Variants in NLRP8 observed in about 807,000 individuals in gnomAD.
NLRP8 encodes NACHT, LRR and PYD domains-containing protein 8.
A neutral mutation model predicts 88.7 loss-of-function variants in NLRP8; 86 were observed. That is an observed-to-expected ratio of 0.97 (90% confidence interval 0.81 to 1.16). The LOEUF (loss-of-function observed/expected upper bound fraction) is 1.16. Ranked by LOEUF, NLRP8 falls within the 50% of genes most tolerant of loss-of-function variation. The probability of loss-of-function intolerance (pLI) is 0.00; values close to 1 mark genes in which losing one functional copy is unlikely to be tolerated. For synonymous variants in NLRP8, 504 were observed against 494.6 expected, an observed-to-expected ratio of 1.02 and a Z score of -0.25; for missense variants, 1,342 against 1,286.5, an observed-to-expected ratio of 1.04 and a Z score of -0.66.
chr19:55,966,261 T>A lies in NLRP8; in HGVS notation c.2262T>A (p.Val754=). The change falls in exon 5 of 10, where the codon GTT becomes GTA. Residue 754 remains valine, a synonymous_variant. Transcript: ENST00000291971. ...TGTTGAACCAGGACTTAATCGGTGT[T>A]TTGACGGGGAACCAGCATCTGAGAT... is the stretch of plus-strand genomic sequence containing the variant. The A allele has an allele frequency of 6.2e-7, 1 of 1,614,104 alleles. No individual in the cohort carries two copies. Among genetic ancestry groups the A allele is most frequent in the South Asian group, 1.1e-5 (1 of 91,074 alleles).
chr19:55,983,908 CTTATT>C (rs1980686135), intron 9 of NLRP8, among the ~76,000 whole-genome samples: 1 of 149,942 alleles, frequency 6.7e-6, no homozygotes, highest in Non-Finnish European at 1.5e-5. Flanking sequence ...CCGATGGTGA[CTTATT>C]TAATTTGAGG....
rs1282939282 is a variant in NLRP8 at position 55,955,471 on chromosome 19, A to C, written c.1413A>C (p.Lys471Asn). 1 of 1,614,208 alleles carries C rather than the reference A, an allele frequency of 6.2e-7. No homozygotes were observed. The highest frequency in any genetic ancestry group is 1.1e-5 in the South Asian group (1 of 91,088). Residue 471 changes from lysine to asparagine, a missense_variant, in exon 3 of 10, where the codon AAA becomes AAC. By Grantham distance (94) the Lys-to-Asn change is moderately conservative (BLOSUM62 0). Coordinates refer to ENST00000291971, the MANE Select transcript of NLRP8 (RefSeq NM_176811.2). ...GGCACAGGAAATGGGTGTTAGGTAAAGAAGATCTTGAGGAAGCCAAGCTGG... is the reference window on the plus strand; with the variant it reads ...GGCACAGGAAATGGGTGTTAGGTAACGAAGATCTTGAGGAAGCCAAGCTGG...
chr19:55,961,560 G>C (rs111720523), intron 3 of NLRP8, among the ~76,000 whole-genome samples: 1,550 of 152,248 alleles, frequency 0.01, 26 homozygotes, highest in African/African-American at 0.035. Context: ...CTAGCACTTT[G>C]GGAGGCCAAG....
At chr19:55,952,883 C>T (rs1011410470) in intron 2 of NLRP8, among the ~76,000 whole-genome samples, 13 of 151,932 alleles carry the variant, frequency 8.6e-5, no homozygotes, top group Non-Finnish European at 1.6e-4. Flanking sequence ...GGTGAGATCA[C>T]GCCACTGCAC....
In NLRP8 at chr19:55,949,393, A is replaced by G. The variant is rs565769452; in HGVS notation, c.367+1124A>G. 3.6e-4 allele frequency among the ~76,000 whole-genome samples: 55 copies of G among 152,084 alleles called. 1 individual carries two copies. Among genetic ancestry groups the G allele is most frequent in the African/African-American group, 1.3e-3 (53 of 41,488 alleles). Reference sequence around the variant, plus strand: ...GCTGGGATTACAGGTGCGCACCACCACACCCAGCTAATTTTTGTATTTTTA... The same window carrying G: ...GCTGGGATTACAGGTGCGCACCACCGCACCCAGCTAATTTTTGTATTTTTA... On this transcript the variant is annotated intron_variant, in intron 1 of 9. Transcript: ENST00000291971.
intron 5 of NLRP8, among the ~76,000 whole-genome samples, chr19:55,969,230 T>G (rs1979971569): frequency 6.6e-6 from 1 of 152,204 alleles, no homozygotes. Context: ...CTGTACCCCA[T>G]GTGTAGTCTT....
intron 3 of NLRP8, among the ~76,000 whole-genome samples, chr19:55,959,819 T>G (rs1229353011): frequency 6.6e-6 from 1 of 152,204 alleles, no homozygotes; most frequent in Non-Finnish European, 1.5e-5. Context: ...TGTTCATTCC[T>G]CTGAAGACGT....
chr19:55,977,593 C>G (rs564527201), intron 8 of NLRP8, among the ~76,000 whole-genome samples: 1 of 144,148 alleles, frequency 6.9e-6, no homozygotes, highest in Non-Finnish European at 1.5e-5. Flanking sequence ...GTATATATTT[C>G]CCTGTTTTTT....
chr19:55,957,763 C>T (rs1979444611), intron 3 of NLRP8, among the ~76,000 whole-genome samples: 1 of 145,900 alleles, frequency 6.9e-6, no homozygotes, highest in Non-Finnish European at 1.5e-5. Flanking sequence ...CTACAACACA[C>T]TGAATAAGTC....
chr19:55,962,347 G>A (rs1979652371), intron 4 of NLRP8, 110 bp downstream of exon 4: 2 of 1,195,984 alleles, frequency 1.7e-6, no homozygotes, highest in Non-Finnish European at 1.2e-6. Flanking sequence ...AAGCACCCAT[G>A]TCCAGCCTTG....
intron 2 of NLRP8, among the ~76,000 whole-genome samples, chr19:55,954,113 T>A (rs1979220942): frequency 6.6e-6 from 1 of 152,034 alleles, no homozygotes; most frequent in Non-Finnish European, 1.5e-5. Flanking sequence ...CTCCCAAGTA[T>A]TTCTGATTTG....
chr19:55,980,169 C>G (rs1168858172), intron 9 of NLRP8, among the ~76,000 whole-genome samples: 2 of 152,152 alleles, frequency 1.3e-5, no homozygotes, highest in African/African-American at 4.8e-5. Context: ...CACTTACCAG[C>G]TATATAGCCA....
intron 1 of NLRP8, among the ~76,000 whole-genome samples, chr19:55,950,512 A>G (rs1311953315): frequency 2.0e-5 from 3 of 152,132 alleles, no homozygotes; most frequent in Admixed American, 1.3e-4. Context: ...GTGCCTACTC[A>G]TTAAAATGTA....
chr19:55,956,036 C>T lies in NLRP8; in HGVS notation c.1978C>T (p.Leu660=). ...GTGTCAATATTTGCATGAGGTGGAA[C>T]TGACCGTCACCCTGAACTTCATGAA... The change falls in exon 3 of 10, where the codon CTG becomes TTG. Residue 660 remains leucine (L), a synonymous_variant. Transcript: ENST00000291971. The T allele has an allele frequency of 6.2e-7, 1 of 1,614,168 alleles. No individual in the cohort carries two copies. The highest frequency in any genetic ancestry group is 8.5e-7 in the Non-Finnish European group (1 of 1,180,026).
In NLRP8 at chr19:55,970,697, G is replaced by T; in HGVS notation, c.2534+1G>T. On this transcript the variant is annotated splice_donor_variant, in intron 6 of 9. Coordinates refer to ENST00000291971, the MANE Select transcript of NLRP8 (RefSeq NM_176811.2). LOFTEE classifies it high-confidence loss of function. ...CTGTGGCCCAGCTGGAGAGGCTGTC[G>T]TAAGTCTCCTTTCTAGTGGCTGTGG... is the stretch of plus-strand genomic sequence containing the variant. The T allele has an allele frequency of 2.5e-6, 4 of 1,613,956 alleles. No individual in the cohort carries two copies. Among genetic ancestry groups the T allele is most frequent in the South Asian group, 1.1e-5 (1 of 91,050 alleles).
At chr19:55,951,816 C>G (rs950673305) in intron 1 of NLRP8, among the ~76,000 whole-genome samples, 2 of 152,194 alleles carry the variant, frequency 1.3e-5, no homozygotes, top group African/African-American at 4.8e-5. Context: ...GTGGTATGAT[C>G]ATGGCTCCCT....
In NLRP8 at chr19:55,954,557, A is replaced by G; in HGVS notation, c.499A>G (p.Ile167Val). Residue 167 changes from isoleucine (I) to valine (V), a missense_variant, in exon 3 of 10, where the codon ATT becomes GTT. Transcript: ENST00000291971. ...GGAAAAGTTTTTCCCCATATGGGAC[A>G]TTACGACTTGGCCTGGAAACCAGAG... The G allele has an allele frequency of 1.9e-6, 3 of 1,614,194 alleles. No individual in the cohort carries two copies. The highest frequency in any genetic ancestry group is 1.3e-5 in the African/African-American group (1 of 75,048).
Position 55,966,219 on chromosome 19 carries a change from G to C in NLRP8, c.2220G>C (p.Arg740Ser), listed in dbSNP as rs1477211865. 1 of 1,614,006 alleles carries C rather than the reference G, an allele frequency of 6.2e-7. No individual in the cohort carries two copies. The highest frequency in any genetic ancestry group is 1.1e-5 in the South Asian group (1 of 91,072). ...GACGCTCTTCCCTCTCCAGCCTAAG[G>C]CGTGTGAATAGCACCATGTTGAACC... Residue 740 changes from arginine (R) to serine (S), a missense_variant, in exon 5 of 10, where the codon AGG becomes AGC. By Grantham distance (110) the Arg-to-Ser change is moderately radical. Transcript: ENST00000291971.
chr19:55,953,834 C>T (rs548541662), intron 2 of NLRP8, among the ~76,000 whole-genome samples: 1 of 126,488 alleles, frequency 7.9e-6, no homozygotes, highest in South Asian at 2.9e-4. Flanking sequence ...CAGAGTCTCA[C>T]TCTGTCACCC....
Sources: gnomAD v4.1 joint callset for allele counts (sites outside exome capture counted in the v4.1 genomes callset) on GRCh38, gnomAD v4.1.1 for gene constraint, MANE v1.5 for transcripts, NCBI Gene and HGNC (gene_info 2026-07-23, HGNC 2026-07-21) for gene names.